SPHKAP: variants seen among roughly 807,000 people sequenced by gnomAD.
SPHKAP encodes the protein SPHK1 interactor, AKAP domain containing.
Under a neutral mutation model 137.5 loss-of-function variants are expected in SPHKAP, and 67 were observed. The observed-to-expected ratio is 0.49, with a 90% confidence interval of 0.40 to 0.60. The LOEUF is 0.60. SPHKAP is among the 20% of genes least tolerant of loss of function. SPHKAP has a pLI of 0.00. For missense variants in SPHKAP, 2,097 were observed against 2,069.3 expected (o/e 1.01, Z -0.26); for synonymous variants, 813 against 785.3 (o/e 1.04, Z -0.59).
At chr2:228,166,063 G>A (rs554995932) in intron 1 of SPHKAP, among the ~76,000 whole-genome samples, 4 of 152,302 alleles carry the variant, frequency 2.6e-5, no homozygotes, top group African/African-American at 7.2e-5. Flanking sequence ...AATGTCAGAA[G>A]AGGAGAAAAT....
chr2:228,061,742 CACACACACACACAT>C (rs1323624320), intron 3 of SPHKAP, among the ~76,000 whole-genome samples: 5 of 151,754 alleles, frequency 3.3e-5, no homozygotes, highest in Non-Finnish European at 5.9e-5. Context: ...TATATACACA[CACACACACACACAT>C]ACACACACAT....
chr2:228,103,592 C>T (rs751269555), intron 3 of SPHKAP, among the ~76,000 whole-genome samples: 25 of 152,292 alleles, frequency 1.6e-4, no homozygotes, highest in Non-Finnish European at 5.9e-5. Context: ...CTCTGCCCTC[C>T]GCAGCCTGCT....
chr2:228,177,420 T>C (rs1179930070), intron 1 of SPHKAP, among the ~76,000 whole-genome samples: 1 of 152,182 alleles, frequency 6.6e-6, no homozygotes. Context: ...GAGGACAGTA[T>C]GTATTCCAAG....
chr2:228,167,759 A>C (rs1420099226), intron 1 of SPHKAP, among the ~76,000 whole-genome samples: 1 of 152,180 alleles, frequency 6.6e-6, no homozygotes, highest in Admixed American at 6.5e-5. Flanking sequence ...CTTGTAGGAC[A>C]AAAAGAAATA....
chr2:228,020,078 C>T lies in SPHKAP; in HGVS notation c.776G>A (p.Cys259Tyr). 6.2e-7 allele frequency: 1 copy of T among 1,614,170 alleles called. No homozygotes were observed. Among genetic ancestry groups the T allele is most frequent in the Non-Finnish European group, 8.5e-7 (1 of 1,180,032 alleles). ...AGCATAAAGCCACTTTTCCTTGTTG[C>T]AATTCCATTCCACCTGGGTGGCTCC... ...LKGATQVEWN[C>Y]NKEKWLYALE... The change falls in exon 7 of 12, where the codon TGC (cysteine) becomes TAC (tyrosine). Residue 259 changes from cysteine (C) to tyrosine (Y), a missense_variant. Transcript: ENST00000392056.
chr2:228,171,461 T>A (rs1559213714), intron 1 of SPHKAP, among the ~76,000 whole-genome samples: 1 of 152,200 alleles, frequency 6.6e-6, no homozygotes, highest in Non-Finnish European at 1.5e-5. Flanking sequence ...TGCCTTTTTA[T>A]AAGTTTGCTT....
At chr2:228,016,278 T>C (rs1174166880) in intron 7 of SPHKAP, 128 bp downstream of exon 7, 1 of 1,445,370 alleles carries the variant, frequency 6.9e-7, no homozygotes, top group African/African-American at 1.4e-5. Context: ...CATTTTTTTT[T>C]TTTTTGGTCT....
At chr2:228,163,326 G>A (rs1309574504) in intron 1 of SPHKAP, among the ~76,000 whole-genome samples, 1 of 150,974 alleles carries the variant, frequency 6.6e-6, no homozygotes, top group Non-Finnish European at 1.5e-5. Context: ...GAGAGAAAAC[G>A]AGAGAGAGAG....
At chr2:228,152,590 G>T (rs1036099298) in intron 1 of SPHKAP, among the ~76,000 whole-genome samples, 1 of 151,956 alleles carries the variant, frequency 6.6e-6, no homozygotes, top group Admixed American at 6.6e-5. Flanking sequence ...TACTGTTAAT[G>T]TAACTGCTGA....
chr2:228,040,830 G>A (rs371154371), intron 3 of SPHKAP, among the ~76,000 whole-genome samples: 6 of 151,996 alleles, frequency 3.9e-5, no homozygotes, highest in African/African-American at 1.2e-4. Flanking sequence ...CATTTGAATC[G>A]AGGATACACT....
chr2:228,001,984 A>G (rs1025208096), intron 7 of SPHKAP, among the ~76,000 whole-genome samples: 1 of 152,078 alleles, frequency 6.6e-6, no homozygotes, highest in Non-Finnish European at 1.5e-5. Context: ...GGATATTTGG[A>G]TTGGTTCCAA....
intron 1 of SPHKAP, among the ~76,000 whole-genome samples, chr2:228,156,694 A>C (rs1454836576): frequency 4.6e-5 from 7 of 152,116 alleles, no homozygotes; most frequent in African/African-American, 7.2e-5. Flanking sequence ...GTGTTGTGGG[A>C]GGGACCCTGT....
chr2:228,019,773 C>T lies in SPHKAP; in HGVS notation c.1081G>A (p.Glu361Lys), dbSNP rs754367370. The change falls in exon 7 of 12, where the codon GAG becomes AAG. Residue 361 changes from glutamate to lysine, a missense_variant. Glu to Lys is a moderately conservative substitution (Grantham distance 56). Coordinates refer to ENST00000392056, the MANE Select transcript of SPHKAP (RefSeq NM_001142644.2). Reference sequence around the variant, plus strand: ...CCTGGGTTTAGGTTGCTTCTCTGCTCTGCCACAGCACATGCAGAAGGTACA... The same window carrying T: ...CCTGGGTTTAGGTTGCTTCTCTGCTTTGCCACAGCACATGCAGAAGGTACA... ...KDVPSACAVA[E>K]QRSNLNPGDH... The T allele has an allele frequency of 3.7e-6, 6 of 1,614,010 alleles. No homozygotes were observed. The African/African-American group carries it at 8.0e-5, about 22-fold the overall frequency.
At chr2:228,180,688 C>CGAGCGCAAA (rs1267981689) in intron 1 of SPHKAP, among the ~76,000 whole-genome samples, 1 of 152,202 alleles carries the variant, frequency 6.6e-6, no homozygotes, top group African/African-American at 2.4e-5. Flanking sequence ...CCGCGCCCAG[C>CGAGCGCAAA]GAGCGCAAAG....
At position 227,981,602 on chromosome 2, in the gene SPHKAP, T is replaced by TA; in HGVS notation, c.*114dup. 1 of 1,364,394 alleles carries TA rather than the reference T, an allele frequency of 7.3e-7. No individual in the cohort carries two copies. The highest frequency in any genetic ancestry group is 9.8e-7 in the Non-Finnish European group (1 of 1,016,476). The allele number at this position is 1,364,394 out of a possible 1,614,324, so 84.5% of individuals were successfully genotyped here. A position where few individuals can be genotyped will look rare whatever the true frequency, so the allele number is the denominator to read the frequency against. On this transcript the variant is annotated 3_prime_UTR_variant, in exon 12 of 12. Coordinates refer to ENST00000392056, the MANE Select transcript of SPHKAP (RefSeq NM_001142644.2). ...TGGATCTGAGTAGCAGATTTTTTTT[T>TA]ATAGTTCTGCTAATGTGATGTGATG...
chr2:228,074,178 C>T (rs1352495335), intron 3 of SPHKAP, among the ~76,000 whole-genome samples: 2 of 152,068 alleles, frequency 1.3e-5, no homozygotes, highest in Non-Finnish European at 2.9e-5. Flanking sequence ...GTTTGCAATG[C>T]AAAAAATTAC....
chr2:228,027,567 T>C (rs1429511256), intron 3 of SPHKAP, 24 bp from the exon 4 acceptor site: 8 of 1,612,008 alleles, frequency 5.0e-6, no homozygotes, highest in South Asian at 1.1e-5. Flanking sequence ...GCAAAAATAG[T>C]ACGTTAAAGT....
Position 228,149,614 on chromosome 2 carries a change from C to A in SPHKAP, c.33-17529G>T, listed in dbSNP as rs1699870643. On this transcript the variant is annotated intron_variant, in intron 1 of 11. Transcript: ENST00000392056. ...GTAGTCACAGAAGAGGATCTCCAAT[C>A]TAAGCCACTTATAATTCTCTCTGGA... 2.6e-5 allele frequency among the ~76,000 whole-genome samples: 4 copies of A among 152,196 alleles called. No homozygotes were observed. In the South Asian group the frequency reaches 8.3e-4, roughly 32 times the overall value.
rs751114653 is a variant in SPHKAP, at chr2:228,017,691, C to T, written c.3163G>A (p.Val1055Met). ...CCCTGCGCCTGCCACATGCCGTCCA[C>T]CATAGAGAACTCCGTTAGGTTCATG... ...KIMNLTEFSM[V>M]DGMWQAQGYP... is the part of the protein sequence containing the mutation. Residue 1055 changes from valine to methionine, a missense_variant, in exon 7 of 12, where the codon GTG becomes ATG. Transcript: ENST00000392056. The T allele has an allele frequency of 8.7e-6, 14 of 1,614,014 alleles. No individual in the cohort carries two copies. The highest frequency in any genetic ancestry group is 1.3e-5 in the African/African-American group (1 of 75,066).
Sources: gnomAD v4.1 joint callset for allele counts (sites outside exome capture counted in the v4.1 genomes callset) on GRCh38, gnomAD v4.1.1 for gene constraint, MANE v1.5 for transcripts, NCBI Gene and HGNC (gene_info 2026-07-23, HGNC 2026-07-21) for gene names.